STK17A: variants seen among roughly 807,000 people sequenced by gnomAD.
STK17A encodes serine/threonine-protein kinase 17A.
In STK17A, 26 loss-of-function variants were observed where a neutral mutation model predicts 43.7. The observed-to-expected ratio is 0.60, with a 90% CI of 0.44 to 0.83. STK17A has a LOEUF of 0.83. Ranked by LOEUF, STK17A falls within the 40% of genes least tolerant of loss-of-function variation. The pLI, the probability that STK17A is intolerant of heterozygous loss-of-function variation, is 0.00. For synonymous variants in STK17A, 191 were observed against 182.5 expected (o/e 1.05, Z -0.38); for missense variants, 476 against 511.6 (o/e 0.93, Z 0.67).
intron 2 of STK17A, 128 bp from the exon 3 acceptor site, chr7:43,608,128 T>C: frequency 2.1e-6 from 2 of 961,078 alleles, no homozygotes; most frequent in South Asian, 1.9e-5. Flanking sequence ...TTTTTCAAAA[T>C]AAAAATACAT....
At chr7:43,608,170 C>A in intron 2 of STK17A, 86 bp from the exon 3 acceptor site, 1 of 1,317,230 alleles carries the variant, frequency 7.6e-7, no homozygotes, top group Non-Finnish European at 1.0e-6. Flanking sequence ...TACTGCCAGA[C>A]TGTAATTAAT....
chr7:43,589,959 T>G (rs2082468702), intron 1 of STK17A, among the ~76,000 whole-genome samples: 1 of 149,290 alleles, frequency 6.7e-6, no homozygotes. Flanking sequence ...TTTTATTTTA[T>G]TTTATTTTAT....
intron 3 of STK17A, among the ~76,000 whole-genome samples, chr7:43,613,197 T>C (rs556217583): frequency 2.6e-5 from 4 of 152,338 alleles, no homozygotes; most frequent in African/African-American, 9.6e-5. Flanking sequence ...TCTGCATCCA[T>C]GGATTCAACC....
In STK17A at chr7:43,587,147, G is replaced by GTTT. The variant is rs202031785; in HGVS notation, c.206+3702_206+3704dup. On this transcript the variant is annotated intron_variant, in intron 1 of 6. Coordinates refer to ENST00000319357, the MANE Select transcript of STK17A (RefSeq NM_004760.3). ...TTTAATGAAATGATATGTTTTTATTGTTTTTTGTTTTTTTTTTTTTTTTTT... is the reference window on the plus strand; with the variant it reads ...TTTAATGAAATGATATGTTTTTATTGTTTTTTTTTGTTTTTTTTTTTTTTTTTT... Among the ~76,000 whole-genome samples the GTTT allele has an allele frequency of 4.5e-3, 508 of 113,306 alleles. 20 individuals are homozygous for GTTT. The highest frequency in any genetic ancestry group is 6.3e-3 in the Admixed American group (63 of 10,076). The allele number at this position is 113,306 out of a possible 152,430, so 74.3% of individuals were successfully genotyped here. A position where few individuals can be genotyped will look rare whatever the true frequency, so the allele number is the denominator to read the frequency against.
At chr7:43,596,316 C>A (rs909978855) in intron 2 of STK17A, among the ~76,000 whole-genome samples, 7 of 152,094 alleles carry the variant, frequency 4.6e-5, no homozygotes, top group Admixed American at 3.3e-4. Context: ...TATTTTCATT[C>A]TTTAATGAAA....
chr7:43,614,713 TCA>T (rs1231042446), intron 3 of STK17A, among the ~76,000 whole-genome samples: 1 of 152,236 alleles, frequency 6.6e-6, no homozygotes, highest in Non-Finnish European at 1.5e-5. Flanking sequence ...AACCTCTCTC[TCA>T]GTTGTTTAAC....
At chr7:43,585,008 C>T (rs1160611257) in intron 1 of STK17A, among the ~76,000 whole-genome samples, 1 of 152,124 alleles carries the variant, frequency 6.6e-6, no homozygotes, top group African/African-American at 2.4e-5. Flanking sequence ...ACCAGCCTGG[C>T]CAACATGGTG....
intron 1 of STK17A, among the ~76,000 whole-genome samples, chr7:43,587,133 G>A (rs1342290606): frequency 6.8e-6 from 1 of 146,696 alleles, no homozygotes; most frequent in Admixed American, 6.9e-5. Context: ...TTAATGAAAT[G>A]ATATGTTTTT....
chr7:43,587,147 G>GTTTTTTTTTTT (rs202031785), intron 1 of STK17A, among the ~76,000 whole-genome samples: 16 of 113,438 alleles, frequency 1.4e-4, no homozygotes, highest in East Asian at 2.4e-4. Flanking sequence ...TGTTTTTATT[G>GTTTTTTTTTTT]TTTTTTGTTT....
At chr7:43,597,376 A>G (rs1461079451) in intron 2 of STK17A, among the ~76,000 whole-genome samples, 1 of 151,946 alleles carries the variant, frequency 6.6e-6, no homozygotes, top group Non-Finnish European at 1.5e-5. Context: ...CCTGTAGTTC[A>G]GCACTTTGTT....
At position 43,626,233 on chromosome 7, in the gene STK17A, G is replaced by A. The variant is rs1462518488; in HGVS notation, c.*1391G>A. 1 of 152,104 alleles carries A rather than the reference G, an allele frequency of 6.6e-6. No individual in the cohort carries two copies. Among genetic ancestry groups the A allele is most frequent in the Non-Finnish European group, 1.5e-5 (1 of 68,014 alleles). 9.4% of individuals were successfully genotyped at this position (152,104 alleles called of 1,614,324 possible). A position where few individuals can be genotyped will look rare whatever the true frequency, so the allele number is the denominator to read the frequency against. ...CACACAAAGCTCTCTCCCTAACATG[G>A]TTTCTCAACTGTCAAAATCATGAAA... On this transcript the variant is annotated 3_prime_UTR_variant, in exon 7 of 7. Coordinates refer to ENST00000319357, the MANE Select transcript of STK17A (RefSeq NM_004760.3).
chr7:43,601,008 A>G (rs933359252), intron 2 of STK17A, among the ~76,000 whole-genome samples: 1 of 152,264 alleles, frequency 6.6e-6, no homozygotes, highest in Non-Finnish European at 1.5e-5. Context: ...TGTTTGTTAG[A>G]AAAAAGGTTG....
At chr7:43,601,263 A>C (rs1353650995) in intron 2 of STK17A, among the ~76,000 whole-genome samples, 3 of 152,256 alleles carry the variant, frequency 2.0e-5, no homozygotes, top group Admixed American at 2.0e-4. Flanking sequence ...TTTTAATTCA[A>C]TAATTTCACT....
At chr7:43,615,621 C>T (rs747925053) in intron 3 of STK17A, among the ~76,000 whole-genome samples, 9 of 152,158 alleles carry the variant, frequency 5.9e-5, no homozygotes, top group Admixed American at 2.6e-4. Flanking sequence ...ACGTGGCCTG[C>T]CTTCTGCCAT....
At chr7:43,588,228 T>C (rs916768562) in intron 1 of STK17A, among the ~76,000 whole-genome samples, 5 of 151,526 alleles carry the variant, frequency 3.3e-5, no homozygotes. Flanking sequence ...AAATAGCCAC[T>C]GATTATTGAT....
chr7:43,619,645 A>C lies in STK17A; in HGVS notation c.613A>C (p.Ile205Leu), dbSNP rs566758223. 27 of 1,614,062 alleles carry C rather than the reference A, an allele frequency of 1.7e-5. No individual in the cohort carries two copies. In the South Asian group the frequency reaches 2.6e-4, roughly 16 times the overall value. ...TSESPLGDIK[I>L]VDFGLSRILK... ...TGAATCTCCATTGGGTGACATTAAGATTGTTGATTTTGGCCTTTCAAGAAT... is the reference window on the plus strand; with the variant it reads ...TGAATCTCCATTGGGTGACATTAAGCTTGTTGATTTTGGCCTTTCAAGAAT... The change falls in exon 4 of 7, where the codon ATT becomes CTT. Residue 205 changes from isoleucine (I) to leucine (L), a missense_variant. Ile to Leu is a conservative substitution (Grantham distance 5). This residue lies in a region of STK17A where 320 missense variants were observed against 326.3 expected (regional missense o/e 0.98). Coordinates refer to ENST00000319357, the MANE Select transcript of STK17A (RefSeq NM_004760.3).
chr7:43,595,291 C>CTGGAGA (rs2082507768), intron 1 of STK17A, among the ~76,000 whole-genome samples: 2 of 131,584 alleles, frequency 1.5e-5, no homozygotes, highest in African/African-American at 5.3e-5. Flanking sequence ...TTTTTTTCCC[C>CTGGAGA]CCTGGAGACA....
chr7:43,590,138 A>T (rs4720456), intron 1 of STK17A, among the ~76,000 whole-genome samples: 1 of 150,064 alleles, frequency 6.7e-6, no homozygotes, highest in Non-Finnish European at 1.5e-5. Context: ...TAGTGACAAG[A>T]TTTCGCCACG....
intron 3 of STK17A, among the ~76,000 whole-genome samples, chr7:43,614,253 C>T (rs2083144338): frequency 6.6e-6 from 1 of 152,164 alleles, no homozygotes; most frequent in Non-Finnish European, 1.5e-5. Flanking sequence ...TCCCTACAGC[C>T]ACCATCTATT....
Sources: allele counts gnomAD v4.1 joint callset (sites outside exome capture counted in the v4.1 genomes callset), GRCh38; gene constraint gnomAD v4.1.1; regional missense constraint gnomAD v4.1.1; transcripts MANE v1.5; gene names NCBI Gene and HGNC (gene_info 2026-07-23, HGNC 2026-07-21).